NHEJ1: variants seen among roughly 807,000 people sequenced by gnomAD.
NHEJ1 encodes the protein non-homologous end-joining factor 1.
Under a neutral mutation model 39.4 loss-of-function variants are expected in NHEJ1, and 22 were observed. That is an observed-to-expected ratio of 0.56 (90% CI 0.40 to 0.80). The LOEUF is 0.80. NHEJ1 is among the 30% of genes least tolerant of loss of function. The pLI, the probability that NHEJ1 is intolerant of heterozygous loss-of-function variation, is 0.00. For missense variants in NHEJ1, 329 were observed against 357.1 expected, an observed-to-expected ratio of 0.92 and a Z score of 0.63; for synonymous variants, 154 against 135.6, an observed-to-expected ratio of 1.14 and a Z score of -0.94.
rs1949894954 is a variant in NHEJ1, at chr2:219,159,528, T to TATATATACATGC, written c.1-1167_1-1166insGCATGTATATAT. ...TGACATAACTTTATATATATATGCA[T>TATATATACATGC]ATATATATGCATATATATATATGCA... On this transcript the variant is annotated intron_variant, in intron 1 of 7. Transcript: ENST00000356853. Among the ~76,000 whole-genome samples, 4 of 92,236 alleles carry TATATATACATGC rather than the reference T, an allele frequency of 4.3e-5. No individual in the cohort carries two copies. The Admixed American group carries it at 4.4e-4, about 10-fold the overall frequency. 60.5% of individuals were successfully genotyped at this position (92,236 alleles called of 152,430 possible).
intron 5 of NHEJ1, among the ~76,000 whole-genome samples, chr2:219,128,780 C>A (rs999055517): frequency 1.3e-5 from 2 of 152,186 alleles, no homozygotes; most frequent in African/African-American, 4.8e-5. Flanking sequence ...CTGACCACAA[C>A]CCCTGTTTGC....
chr2:219,088,540 A>T (rs1482893973), intron 5 of NHEJ1, among the ~76,000 whole-genome samples: 3 of 152,194 alleles, frequency 2.0e-5, no homozygotes, highest in African/African-American at 7.2e-5. Flanking sequence ...AAAAGAAGTC[A>T]TACACAAAAG....
At chr2:219,112,739 A>T (rs1949376832) in intron 5 of NHEJ1, among the ~76,000 whole-genome samples, 1 of 152,212 alleles carries the variant, frequency 6.6e-6, no homozygotes, top group South Asian at 2.1e-4. Context: ...AACATCACAG[A>T]TGCTGGGCAA....
At chr2:219,129,839 C>T (rs765831525) in intron 5 of NHEJ1, among the ~76,000 whole-genome samples, 4 of 152,202 alleles carry the variant, frequency 2.6e-5, no homozygotes, top group African/African-American at 9.6e-5. Flanking sequence ...GTTCGACAGC[C>T]GCCAGGGCTG....
intron 5 of NHEJ1, among the ~76,000 whole-genome samples, chr2:219,081,169 T>C (rs2106322282): frequency 6.6e-6 from 1 of 152,254 alleles, no homozygotes; most frequent in South Asian, 2.1e-4. Flanking sequence ...ATACTCTTAA[T>C]CCCATTCTAG....
chr2:219,159,564 C>CATATATATGCATATATATATATGCAT lies in NHEJ1; in HGVS notation c.-1+1155_-1+1156insATGCATATATATATATGCATATATAT, dbSNP rs1553549842. Among the ~76,000 whole-genome samples, 6 of 61,772 alleles carry CATATATATGCATATATATATATGCAT rather than the reference C, an allele frequency of 9.7e-5. 1 individual carries two copies. The highest frequency in any genetic ancestry group is 5.0e-4 in the African/African-American group (6 of 12,120). 40.5% of individuals were successfully genotyped at this position (61,772 alleles called of 152,430 possible). On this transcript the variant is annotated intron_variant, in intron 1 of 7. Coordinates refer to ENST00000356853, the MANE Select transcript of NHEJ1 (RefSeq NM_024782.3). ...ATATATATATATGCATATATATATG[C>CATATATATGCATATATATATATGCAT]ATATATATATGCATATATATATGCA...
intron 5 of NHEJ1, among the ~76,000 whole-genome samples, chr2:219,117,628 A>G (rs899943203): frequency 1.1e-4 from 17 of 152,376 alleles, no homozygotes; most frequent in African/African-American, 4.1e-4. Context: ...CAAACCACGA[A>G]CTCAGAATCA....
chr2:219,155,409 AT>A (rs1485786878), intron 3 of NHEJ1, among the ~76,000 whole-genome samples: 2 of 151,572 alleles, frequency 1.3e-5, no homozygotes, highest in African/African-American at 2.4e-5. Context: ...TCTACAAAAA[AT>A]TTTTTTTAAT....
intron 5 of NHEJ1, among the ~76,000 whole-genome samples, chr2:219,117,986 C>A (rs928022871): frequency 6.6e-6 from 1 of 152,208 alleles, no homozygotes; most frequent in Non-Finnish European, 1.5e-5. Context: ...CATGCAAATA[C>A]AGCCTTTTTA....
At position 219,076,156 on chromosome 2, in the gene NHEJ1, C is replaced by T. The variant is rs763919324; in HGVS notation, c.*225G>A. 8.2e-6 allele frequency: 8 copies of T among 976,516 alleles called. No homozygotes were observed. The highest frequency in any genetic ancestry group is 1.0e-5 in the Non-Finnish European group (7 of 679,152). 60.5% of individuals were successfully genotyped at this position (976,516 alleles called of 1,614,324 possible). A position where few individuals can be genotyped will look rare whatever the true frequency, so the allele number is the denominator to read the frequency against. On this transcript the variant is annotated 3_prime_UTR_variant, in exon 8 of 8. Transcript: ENST00000356853. ...GAAACCTGAACCTACAGAACCTCCA[C>T]CAAAAGAGAGGAGAGCACGGGATTC...
chr2:219,152,966 C>A (rs111364126), intron 3 of NHEJ1, among the ~76,000 whole-genome samples: 4 of 152,020 alleles, frequency 2.6e-5, no homozygotes, highest in African/African-American at 9.7e-5. Flanking sequence ...CCATGCCCGG[C>A]TAATTTTTGT....
At chr2:219,077,401 T>C (rs774797235) in intron 6 of NHEJ1, 37 bp from the exon 7 acceptor site, 3 of 1,446,864 alleles carry the variant, frequency 2.1e-6, no homozygotes, top group Non-Finnish European at 2.9e-6. Flanking sequence ...TAGTGATAAA[T>C]GCCTTCTTCT....
intron 3 of NHEJ1, among the ~76,000 whole-genome samples, chr2:219,152,706 A>G: frequency 6.6e-6 from 1 of 151,932 alleles, no homozygotes; most frequent in Non-Finnish European, 1.5e-5. Context: ...GTCTCAAGCA[A>G]TCCTCCTGTC....
At chr2:219,095,287 G>A (rs1188088585) in intron 5 of NHEJ1, 1 of 470,538 alleles carries the variant, frequency 2.1e-6, no homozygotes, top group African/African-American at 2.0e-5. Flanking sequence ...GATAAAAAGA[G>A]ACCGATGCAG....
At chr2:219,103,379 G>A (rs1574713826) in intron 5 of NHEJ1, among the ~76,000 whole-genome samples, 2 of 151,870 alleles carry the variant, frequency 1.3e-5, no homozygotes, top group African/African-American at 4.8e-5. Context: ...GGGTTCAAGC[G>A]ATTCTCCTGT....
intron 5 of NHEJ1, among the ~76,000 whole-genome samples, chr2:219,133,305 A>G (rs1307307710): frequency 6.6e-6 from 1 of 152,234 alleles, no homozygotes; most frequent in Admixed American, 6.5e-5. Flanking sequence ...AAGCCAACAG[A>G]CCAGGTAAAA....
chr2:219,082,979 A>G (rs1188867524), intron 5 of NHEJ1, among the ~76,000 whole-genome samples: 1 of 152,264 alleles, frequency 6.6e-6, no homozygotes. Context: ...AGGGTTTGCC[A>G]GAATAAAGAG....
intron 5 of NHEJ1, among the ~76,000 whole-genome samples, chr2:219,135,208 T>C (rs549971943): frequency 7.3e-4 from 111 of 152,268 alleles, no homozygotes; most frequent in African/African-American, 2.6e-3. Context: ...CTTCTTCTAC[T>C]AGGGGAAAGA....
rs1948950795 is a variant in NHEJ1, at chr2:219,070,951, T to C, written c.*5430A>G. Among the ~76,000 whole-genome samples the C allele has an allele frequency of 6.6e-6, 1 of 152,178 alleles. No individual in the cohort carries two copies. The highest frequency in any genetic ancestry group is 1.5e-5 in the Non-Finnish European group (1 of 68,022). On this transcript the variant is annotated 3_prime_UTR_variant, in exon 8 of 8. Transcript: ENST00000356853. ...TATTACCAGCTCTGCCTTCCACAAC[T>C]AGTGCCTCCCCATTCCTCTCACGTG... is the stretch of plus-strand genomic sequence containing the variant.
Sources: gnomAD v4.1 joint callset for allele counts (sites outside exome capture counted in the v4.1 genomes callset) on GRCh38, gnomAD v4.1.1 for gene constraint, MANE v1.5 for transcripts, NCBI Gene and HGNC (gene_info 2026-07-23, HGNC 2026-07-21) for gene names.